ME3: variants seen among roughly 807,000 people sequenced by gnomAD.
The protein encoded by ME3 is malic enzyme 3.
Under a neutral mutation model 68.9 loss-of-function variants are expected in ME3, and 48 were observed. The observed-to-expected ratio is 0.70, with a 90% CI of 0.55 to 0.89. ME3 has a LOEUF of 0.89. ME3 is among the 40% of genes least tolerant of loss of function. ME3 has a pLI of 0.00. For missense variants in ME3, 675 were observed against 797.4 expected (o/e 0.85, Z 1.85); for synonymous variants, 320 against 318.8 (o/e 1.00, Z -0.04).
chr11:86,446,533 G>C, intron 12 of ME3, 46 bp from the exon 13 acceptor site: 1 of 1,591,476 alleles, frequency 6.3e-7, no homozygotes, highest in South Asian at 1.1e-5. Flanking sequence ...GATTGGTTTG[G>C]GGTAATAATA....
chr11:86,487,332 C>T lies in ME3; in HGVS notation c.809+5G>A, dbSNP rs1266228719. ...CTTTCAAAAGGGACAGACTGGTCCACTTACTTGTCTGTCACAGCCTGCATG... is the reference window on the plus strand; with the variant it reads ...CTTTCAAAAGGGACAGACTGGTCCATTTACTTGTCTGTCACAGCCTGCATG... On this transcript the variant is annotated splice_donor_5th_base_variant and intron_variant, in intron 7 of 14. Coordinates refer to ENST00000543262, the Ensembl canonical transcript of ME3. 6.2e-7 allele frequency: 1 copy of T among 1,611,202 alleles called. No individual in the cohort carries two copies. The highest frequency in any genetic ancestry group is 8.5e-7 in the Non-Finnish European group (1 of 1,177,284).
At chr11:86,478,580 T>C (rs566208335) in intron 7 of ME3, among the ~76,000 whole-genome samples, 1 of 152,318 alleles carries the variant, frequency 6.6e-6, no homozygotes, top group Non-Finnish European at 1.5e-5. Flanking sequence ...ACAATACTTT[T>C]GTTGCTCAAG....
chr11:86,632,430 C>T (rs1296992884), intron 2 of ME3, among the ~76,000 whole-genome samples: 1 of 152,200 alleles, frequency 6.6e-6, no homozygotes, highest in Non-Finnish European at 1.5e-5. Context: ...GCCTGTTCCT[C>T]ACACTACAGC....
At chr11:86,606,750 T>C (rs942176603) in intron 2 of ME3, among the ~76,000 whole-genome samples, 3 of 152,162 alleles carry the variant, frequency 2.0e-5, no homozygotes, top group African/African-American at 7.2e-5. Context: ...AGGGATGTGG[T>C]GTCTTTGGTT....
chr11:86,467,693 TCA>T (rs368384131), intron 7 of ME3, among the ~76,000 whole-genome samples: 4 of 143,328 alleles, frequency 2.8e-5, no homozygotes, highest in East Asian at 2.0e-4. Context: ...TCTCTCTCTC[TCA>T]CACACACACA....
At chr11:86,670,973 G>A (rs1021807717) in intron 2 of ME3, among the ~76,000 whole-genome samples, 3 of 152,138 alleles carry the variant, frequency 2.0e-5, no homozygotes, top group Non-Finnish European at 2.9e-5. Flanking sequence ...GGGGAGACAG[G>A]ACTAAATCTG....
chr11:86,542,591 G>A (rs958156398), intron 4 of ME3, among the ~76,000 whole-genome samples: 4 of 152,260 alleles, frequency 2.6e-5, no homozygotes, highest in Non-Finnish European at 4.4e-5. Flanking sequence ...AAAGCGTGAA[G>A]ACAAGATTAG....
At chr11:86,620,071 G>C (rs1943246919) in intron 2 of ME3, among the ~76,000 whole-genome samples, 1 of 152,110 alleles carries the variant, frequency 6.6e-6, no homozygotes. Context: ...TACATTATCT[G>C]TTTCATATTC....
chr11:86,570,433 G>A (rs955058277), intron 2 of ME3, among the ~76,000 whole-genome samples: 16 of 152,082 alleles, frequency 1.1e-4, no homozygotes, highest in African/African-American at 3.6e-4. Flanking sequence ...ATTCTGGTTG[G>A]AGACAGGAAA....
chr11:86,542,597 A>G (rs1956115354), intron 4 of ME3, among the ~76,000 whole-genome samples: 1 of 152,186 alleles, frequency 6.6e-6, no homozygotes, highest in African/African-American at 2.4e-5. Flanking sequence ...TGAAGACAAG[A>G]TTAGAGAAAA....
At chr11:86,457,070 G>A (rs1269365062) in intron 8 of ME3, among the ~76,000 whole-genome samples, 3 of 152,114 alleles carry the variant, frequency 2.0e-5, no homozygotes, top group Non-Finnish European at 1.5e-5. Flanking sequence ...CCTGCTTCTA[G>A]CTAAAGCACC....
chr11:86,560,748 G>GTGTGTATGTGTATA (rs1243025217), intron 2 of ME3, among the ~76,000 whole-genome samples: 1 of 62,530 alleles, frequency 1.6e-5, no homozygotes, highest in African/African-American at 5.9e-5. Context: ...GTGTGTGTGT[G>GTGTGTATGTGTATA]TATATATATA....
At position 86,661,041 on chromosome 11, in the gene ME3, AG is replaced by A. The variant is rs201535192; in HGVS notation, c.183+10720del. On this transcript the variant is annotated intron_variant, in intron 2 of 14. Coordinates refer to ENST00000543262, the Ensembl canonical transcript of ME3. The stretch of plus-strand genomic sequence containing the variant: ...TGATACATCAAGGAGAAGGGAATGT[AG>A]AGGCAATTCATGTAACTAATTTTTA... 3.6e-3 allele frequency among the ~76,000 whole-genome samples: 544 copies of A among 152,324 alleles called. 2 individuals are homozygous for A. Among genetic ancestry groups the A allele is most frequent in the African/African-American group, 0.012 (517 of 41,570 alleles).
At position 86,575,081 on chromosome 11, in the gene ME3, T is replaced by TA. The variant is rs1958026097; in HGVS notation, c.184-15259dup. ...TTCAGTGTATGGGAAGCAGTCATAG[T>TA]AAAAAAGGCATCACTCTCTGCCCTT... On this transcript the variant is annotated intron_variant, in intron 2 of 14. Transcript: ENST00000543262. Among the ~76,000 whole-genome samples, 2 of 146,984 alleles carry TA rather than the reference T, an allele frequency of 1.4e-5. 1 individual carries two copies. Among genetic ancestry groups the TA allele is most frequent in the Non-Finnish European group, 3.0e-5 (2 of 67,050 alleles).
At chr11:86,500,230 T>A (rs929243861) in intron 5 of ME3, among the ~76,000 whole-genome samples, 1 of 152,216 alleles carries the variant, frequency 6.6e-6, no homozygotes, top group African/African-American at 2.4e-5. Context: ...GTCAGAATCC[T>A]TCTCTGTGCT....
chr11:86,532,041 C>T (rs903326036), intron 4 of ME3, among the ~76,000 whole-genome samples: 3 of 149,298 alleles, frequency 2.0e-5, no homozygotes, highest in Non-Finnish European at 4.5e-5. Flanking sequence ...AGATATTCCA[C>T]GCAAATGTAA....
chr11:86,538,739 A>G (rs901898661), intron 4 of ME3, among the ~76,000 whole-genome samples: 1 of 152,170 alleles, frequency 6.6e-6, no homozygotes, highest in Non-Finnish European at 1.5e-5. Context: ...AACATCCTCA[A>G]AACTTGCTTT....
chr11:86,558,438 C>T (rs562961434), intron 3 of ME3, among the ~76,000 whole-genome samples: 8 of 152,186 alleles, frequency 5.3e-5, no homozygotes, highest in African/African-American at 1.9e-4. Context: ...TAACATCCTT[C>T]GAGTTTAGAG....
At chr11:86,634,408 G>A (rs965582371) in intron 2 of ME3, among the ~76,000 whole-genome samples, 4 of 152,170 alleles carry the variant, frequency 2.6e-5, no homozygotes, top group Middle Eastern at 3.2e-3. Context: ...CAGCATGCCC[G>A]TGGGACAGCT....
Sources: allele counts gnomAD v4.1 joint callset (sites outside exome capture counted in the v4.1 genomes callset), GRCh38; gene constraint gnomAD v4.1.1; transcripts MANE v1.5; gene names NCBI Gene and HGNC (gene_info 2026-07-23, HGNC 2026-07-21).